ANAPC16: variants seen among roughly 807,000 people sequenced by gnomAD.
ANAPC16 encodes the protein anaphase promoting complex subunit 16, also known as anaphase-promoting complex subunit 16.
In ANAPC16, 6 loss-of-function variants were observed where a neutral mutation model predicts 13.1. The observed-to-expected ratio is 0.46, with a 90% CI of 0.25 to 0.90. The LOEUF is 0.90. ANAPC16 is among the 40% of genes least tolerant of loss of function. ANAPC16 has a pLI of 0.18. For missense variants in ANAPC16, 113 were observed against 131.1 expected, an observed-to-expected ratio of 0.86 and a Z score of 0.67; for synonymous variants, 55 against 51.3, an observed-to-expected ratio of 1.07 and a Z score of -0.31.
chr10:72,229,870 G>C (rs1409833525), intron 2 of ANAPC16, among the ~76,000 whole-genome samples: 1 of 152,182 alleles, frequency 6.6e-6, no homozygotes, highest in Admixed American at 6.5e-5. Flanking sequence ...AAATTTCCCA[G>C]CAGTGTTCTG....
At chr10:72,216,468 C>T (rs1859353351) in intron 1 of ANAPC16, among the ~76,000 whole-genome samples, 1 of 36,742 alleles carries the variant, frequency 2.7e-5, no homozygotes, top group African/African-American at 1.3e-4. Context: ...CGCCCACCCC[C>T]GCCCCGTTCC....
At chr10:72,221,166 T>G (rs1859917037) in intron 1 of ANAPC16, among the ~76,000 whole-genome samples, 1 of 152,206 alleles carries the variant, frequency 6.6e-6, no homozygotes, top group Non-Finnish European at 1.5e-5. Context: ...TCTGCCCACC[T>G]TGGCCTCCCA....
chr10:72,229,111 C>T (rs1051971937), intron 2 of ANAPC16, among the ~76,000 whole-genome samples: 1 of 151,532 alleles, frequency 6.6e-6, no homozygotes, highest in African/African-American at 2.4e-5. Context: ...TGACTGCTGA[C>T]ATTCAAACCC....
chr10:72,218,167 T>A (rs1229994706), intron 1 of ANAPC16, among the ~76,000 whole-genome samples: 1,133 of 17,950 alleles, frequency 0.063, 201 homozygotes, highest in African/African-American at 0.2. Flanking sequence ...AAAAAAAAAA[T>A]ATATATATAT....
chr10:72,229,279 C>T (rs1860222138), intron 2 of ANAPC16, among the ~76,000 whole-genome samples: 2 of 135,732 alleles, frequency 1.5e-5, no homozygotes, highest in Non-Finnish European at 1.6e-5. Flanking sequence ...AGGATGCCCT[C>T]TTGGTTATAT....
intron 1 of ANAPC16, among the ~76,000 whole-genome samples, chr10:72,222,446 A>ATTTTGTC (rs777923331): frequency 0.082 from 12,145 of 147,504 alleles, 1,348 homozygotes; most frequent in African/African-American, 0.25. Flanking sequence ...CAGACTGAGC[A>ATTTTGTC]ACATAGCAAG....
intron 1 of ANAPC16, among the ~76,000 whole-genome samples, chr10:72,218,165 AATATATATATATATATATATAT>A (rs61038115): frequency 0.012 from 389 of 31,532 alleles, 20 homozygotes; most frequent in Middle Eastern, 0.026. Flanking sequence ...AAAAAAAAAA[AATATATATATATATATATATAT>A]ATATATATAT....
chr10:72,230,484 G>A (rs753816039), intron 3 of ANAPC16, 44 bp downstream of exon 3: 1 of 1,548,406 alleles, frequency 6.5e-7, no homozygotes, highest in Non-Finnish European at 8.9e-7. Flanking sequence ...GAATAAATTT[G>A]CTAGGGGGTG....
rs947613970 is a variant in ANAPC16, at chr10:72,233,521, T to C, written c.*405T>C. ...AGGTCAGCATCTGTGGTTAAAAATA[T>C]AGCATTCTGACCTAAAAAAGTTATT... On this transcript the variant is annotated 3_prime_UTR_variant, in exon 4 of 4. Coordinates refer to ENST00000299381, the MANE Select transcript of ANAPC16 (RefSeq NM_173473.4). The C allele has an allele frequency of 3.7e-5, 6 of 161,462 alleles. No individual in the cohort carries two copies. The East Asian group carries it at 6.9e-4, about 18-fold the overall frequency. 10.0% of individuals were successfully genotyped at this position (161,462 alleles called of 1,614,324 possible).
In ANAPC16 at chr10:72,216,042, G is replaced by A. The variant is rs1030717564; in HGVS notation, c.-124G>A. The A allele has an allele frequency of 6.6e-6, 1 of 152,476 alleles. No individual in the cohort carries two copies. Among genetic ancestry groups the A allele is most frequent in the Non-Finnish European group, 1.5e-5 (1 of 68,156 alleles). The allele number at this position is 152,476 out of a possible 1,614,324, so 9.4% of individuals were successfully genotyped here. A position where few individuals can be genotyped will look rare whatever the true frequency, so the allele number is the denominator to read the frequency against. On this transcript the variant is annotated 5_prime_UTR_variant, in exon 1 of 4. Transcript: ENST00000299381. ...GCCTTCGCCGCTGGCTCCGTCTGTT[G>A]GGGGGCGAACACGCCGCGGTCCTCG...
At position 72,233,119 on chromosome 10, in the gene ANAPC16, C is replaced by A. The variant is rs374220486; in HGVS notation, c.*3C>A. On this transcript the variant is annotated 3_prime_UTR_variant, in exon 4 of 4. Coordinates refer to ENST00000299381, the MANE Select transcript of ANAPC16 (RefSeq NM_173473.4). ...GATTCACCCCCTCTTCAGGTTGATACTGCCTGGATGGTCACCTCTGGTGCG... is the reference window on the plus strand; with the variant it reads ...GATTCACCCCCTCTTCAGGTTGATAATGCCTGGATGGTCACCTCTGGTGCG... 1.2e-6 allele frequency: 2 copies of A among 1,612,890 alleles called. No individual in the cohort carries two copies.
At chr10:72,223,752 G>C in intron 1 of ANAPC16, 136 bp from the exon 2 acceptor site, 1 of 610,736 alleles carries the variant, frequency 1.6e-6, no homozygotes, top group Non-Finnish European at 2.6e-6. Context: ...ATAAAATATT[G>C]TGAAAGTAGA....
chr10:72,226,302 A>G (rs913510053), intron 2 of ANAPC16, among the ~76,000 whole-genome samples: 1 of 152,058 alleles, frequency 6.6e-6, no homozygotes, highest in Non-Finnish European at 1.5e-5. Context: ...TACAGGCATG[A>G]ACCACCGCAC....
intron 1 of ANAPC16, among the ~76,000 whole-genome samples, chr10:72,221,464 G>A (rs551672265): frequency 6.6e-6 from 1 of 151,524 alleles, no homozygotes; most frequent in Admixed American, 6.6e-5. Context: ...CAACCATATT[G>A]TGCAGTGCAG....
At chr10:72,218,168 ATATATAT>A (rs1859720111) in intron 1 of ANAPC16, among the ~76,000 whole-genome samples, 17 of 19,742 alleles carry the variant, frequency 8.6e-4, no homozygotes, top group African/African-American at 2.5e-3. Context: ...AAAAAAAAAT[ATATATAT>A]ATATATATAT....
rs1860404341 is a variant in ANAPC16, at chr10:72,234,073, C to A, written c.*957C>A. On this transcript the variant is annotated 3_prime_UTR_variant, in exon 4 of 4. Coordinates refer to ENST00000299381, the MANE Select transcript of ANAPC16 (RefSeq NM_173473.4). ...CCAGGCTGTATCGCAATGGCGCGAT[C>A]TCTGCTCACTGCAACATCCACCTCC... 6.6e-6 allele frequency: 1 copy of A among 150,612 alleles called. No homozygotes were observed. The highest frequency in any genetic ancestry group is 1.5e-5 in the Non-Finnish European group (1 of 67,928). 9.3% of individuals were successfully genotyped at this position (150,612 alleles called of 1,614,324 possible). A position where few individuals can be genotyped will look rare whatever the true frequency, so the allele number is the denominator to read the frequency against.
At chr10:72,226,038 C>G (rs1049955799) in intron 2 of ANAPC16, among the ~76,000 whole-genome samples, 1 of 144,630 alleles carries the variant, frequency 6.9e-6, no homozygotes, top group African/African-American at 2.6e-5. Context: ...TTTTTTGAGA[C>G]AGAGTCTCGC....
chr10:72,217,433 C>G (rs1055004193), intron 1 of ANAPC16, among the ~76,000 whole-genome samples: 2 of 150,874 alleles, frequency 1.3e-5, no homozygotes, highest in Non-Finnish European at 2.9e-5. Flanking sequence ...CGAGATCGCG[C>G]CACTGCACTT....
At chr10:72,221,023 TCTC>T (rs1428085458) in intron 1 of ANAPC16, among the ~76,000 whole-genome samples, 1 of 152,066 alleles carries the variant, frequency 6.6e-6, no homozygotes, top group African/African-American at 2.4e-5. Flanking sequence ...TTCAAGCTAT[TCTC>T]CTGCCTCAGC....
Sources: allele counts gnomAD v4.1 joint callset (sites outside exome capture counted in the v4.1 genomes callset), GRCh38; gene constraint gnomAD v4.1.1; transcripts MANE v1.5; gene names NCBI Gene and HGNC (gene_info 2026-07-23, HGNC 2026-07-21).